CDKN2B-AS1: variants seen among roughly 807,000 people sequenced by gnomAD.
The protein encoded by CDKN2B-AS1 is CDKN2B antisense RNA 1 (non-protein coding).
intron 3 of CDKN2B-AS1, among the ~76,000 whole-genome samples, chr9:22,055,731 G>T (rs911129926): frequency 6.6e-5 from 10 of 152,162 alleles, no homozygotes; most frequent in Non-Finnish European, 1.2e-4. Flanking sequence ...GGACAAAAGA[G>T]GCTGTCCTTT....
rs543921342 is a variant in CDKN2B-AS1, at chr9:22,020,450, C to T, written n.29+25289C>T. Among the ~76,000 whole-genome samples the T allele has an allele frequency of 3.3e-4, 50 of 152,310 alleles. No individual in the cohort carries two copies. In the South Asian group the frequency reaches 6.6e-3, roughly 20 times the overall value. On this transcript the variant is annotated intron_variant and non_coding_transcript_variant, in intron 1 of 4. Transcript: ENST00000650946. ...TGTCTTTAGGTCTTTGAGGAATCAT[C>T]GCACAGTCCCCCACAATGGTTGAAC... is the stretch of plus-strand genomic sequence containing the variant.
intron 4 of CDKN2B-AS1, among the ~76,000 whole-genome samples, chr9:22,100,087 A>G (rs1825431048): frequency 1.3e-5 from 2 of 152,198 alleles, no homozygotes; most frequent in Admixed American, 1.3e-4. Context: ...GTTATGGGAT[A>G]AAGGCGATAG....
intron 1 of CDKN2B-AS1, among the ~76,000 whole-genome samples, chr9:22,046,072 T>C (rs1823096400): frequency 6.6e-6 from 1 of 152,072 alleles, no homozygotes; most frequent in Admixed American, 6.6e-5. Context: ...CCCTTCAGCT[T>C]CTTTTCCTCC....
intron 2 of CDKN2B-AS1, among the ~76,000 whole-genome samples, chr9:22,047,841 C>A (rs891453847): frequency 6.6e-6 from 1 of 151,154 alleles, no homozygotes; most frequent in African/African-American, 2.4e-5. Flanking sequence ...GGCTGTAATG[C>A]AGTGGCACAA....
intron 1 of CDKN2B-AS1, among the ~76,000 whole-genome samples, chr9:22,013,512 T>C (rs565481171): frequency 6.6e-6 from 1 of 152,286 alleles, no homozygotes; most frequent in East Asian, 1.9e-4. Context: ...AGTGCAATAC[T>C]GTGAGCAAGG....
At chr9:22,087,075 T>G (rs1318724120) in intron 4 of CDKN2B-AS1, among the ~76,000 whole-genome samples, 1 of 152,210 alleles carries the variant, frequency 6.6e-6, no homozygotes, top group African/African-American at 2.4e-5. Flanking sequence ...CCTTAGCCCC[T>G]GTAGTGAATC....
intron 4 of CDKN2B-AS1, chr9:22,118,566 AC>A (rs1399948161): frequency 6.6e-6 from 1 of 152,138 alleles, no homozygotes; most frequent in East Asian, 1.9e-4. Flanking sequence ...AGGTTTATGA[AC>A]TTTTTTCCCT....
At chr9:22,101,243 C>T (rs1825473245) in intron 4 of CDKN2B-AS1, among the ~76,000 whole-genome samples, 1 of 152,100 alleles carries the variant, frequency 6.6e-6, no homozygotes, top group Non-Finnish European at 1.5e-5. Flanking sequence ...ACTGCAGACT[C>T]AACCAAGAGT....
At chr9:22,052,311 T>A (rs994520940) in intron 3 of CDKN2B-AS1, among the ~76,000 whole-genome samples, 2 of 152,104 alleles carry the variant, frequency 1.3e-5, no homozygotes, top group African/African-American at 4.8e-5. Flanking sequence ...ATTCAGTGAA[T>A]GAAATGAATG....
intron 4 of CDKN2B-AS1, chr9:22,092,200 G>C (rs1214028139): frequency 6.6e-6 from 1 of 152,136 alleles, no homozygotes; most frequent in Admixed American, 6.5e-5. Flanking sequence ...TAAGCCTTTT[G>C]GTGTGCTACT....
chr9:22,074,652 G>A (rs1255682703), intron 4 of CDKN2B-AS1, among the ~76,000 whole-genome samples: 1 of 152,162 alleles, frequency 6.6e-6, no homozygotes, highest in African/African-American at 2.4e-5. Flanking sequence ...GAGTGGGCTG[G>A]GGAGCGACTT....
chr9:22,127,695 A>G (rs1256236353), exon 5 of CDKN2B-AS1, among the ~76,000 whole-genome samples: 3 of 152,142 alleles, frequency 2.0e-5, no homozygotes, highest in African/African-American at 7.2e-5. Flanking sequence ...GAGGGTCCCA[A>G]ATACGAACTT....
At chr9:22,079,612 G>A (rs749447060) in intron 4 of CDKN2B-AS1, among the ~76,000 whole-genome samples, 15 of 152,046 alleles carry the variant, frequency 9.9e-5, no homozygotes, top group African/African-American at 3.4e-4. Flanking sequence ...GAGGCTTATC[G>A]GAATGTTTGG....
chr9:22,093,336 C>A (rs1399308338), intron 4 of CDKN2B-AS1, among the ~76,000 whole-genome samples: 1 of 125,338 alleles, frequency 8.0e-6, no homozygotes, highest in Admixed American at 8.4e-5. Flanking sequence ...TCTATTAGGT[C>A]CGCTTGGTGC....
chr9:22,071,168 A>G (rs1040134952), intron 4 of CDKN2B-AS1, among the ~76,000 whole-genome samples: 7 of 150,562 alleles, frequency 4.6e-5, no homozygotes, highest in Non-Finnish European at 8.8e-5. Context: ...TCTTCATTTT[A>G]CAACTTAGGA....
chr9:22,070,813 A>G (rs1157328358), intron 4 of CDKN2B-AS1, among the ~76,000 whole-genome samples: 1 of 152,222 alleles, frequency 6.6e-6, no homozygotes, highest in Non-Finnish European at 1.5e-5. Flanking sequence ...AGACATTAAC[A>G]GAAGCTCATA....
chr9:22,115,280 G>A (rs1367631526), intron 4 of CDKN2B-AS1, among the ~76,000 whole-genome samples: 2 of 152,152 alleles, frequency 1.3e-5, no homozygotes, highest in Non-Finnish European at 2.9e-5. Context: ...TTTCAAGGAG[G>A]GAAGACTGGG....
chr9:22,004,230 A>G (rs1216273103), intron 1 of CDKN2B-AS1: 2 of 232,446 alleles, frequency 8.6e-6, no homozygotes, highest in Non-Finnish European at 1.7e-5. Context: ...CATTTTGGGA[A>G]TAGGAATTGG....
intron 4 of CDKN2B-AS1, among the ~76,000 whole-genome samples, chr9:22,074,437 TA>T (rs1316571541): frequency 1.3e-5 from 2 of 152,124 alleles, no homozygotes; most frequent in Admixed American, 6.5e-5. Flanking sequence ...GAAGAGGACA[TA>T]GGGGGATGTA....
Sources: allele counts gnomAD v4.1 joint callset (sites outside exome capture counted in the v4.1 genomes callset), GRCh38; gene constraint gnomAD v4.1.1; transcripts MANE v1.5; gene names NCBI Gene and HGNC (gene_info 2026-07-23, HGNC 2026-07-21).